AGBL1: variants seen among roughly 807,000 people sequenced by gnomAD.
AGBL1 encodes the protein cytosolic carboxypeptidase 4.
Under a neutral mutation model 118.9 loss-of-function variants are expected in AGBL1, and 130 were observed. The ratio of observed to expected loss-of-function variants is 1.09; its 90% CI spans 0.95 to 1.26. AGBL1 has a LOEUF of 1.26. Among genes scored for constraint, AGBL1 ranks in the 50% most tolerant of loss-of-function variants. The pLI, the probability that AGBL1 is intolerant of heterozygous loss-of-function variation, is 0.00. For missense variants in AGBL1, 1,584 were observed against 1,298.1 expected (o/e 1.22, Z -3.38); for synonymous variants, 555 against 478.9 (o/e 1.16, Z -2.08).
At chr15:86,928,399 C>T (rs112479036) in intron 23 of AGBL1, among the ~76,000 whole-genome samples, 289 of 152,224 alleles carry the variant, frequency 1.9e-3, no homozygotes, top group Middle Eastern at 6.8e-3. Flanking sequence ...TTTCAGGTCC[C>T]GTCTGAGTCC....
In AGBL1 at chr15:86,625,381, TTTTG is replaced by T. The variant is rs1194879733; in HGVS notation, c.2995-48888_2995-48885del. Among the ~76,000 whole-genome samples, 349 of 38,898 alleles carry T rather than the reference TTTTG, an allele frequency of 9.0e-3. 49 individuals are homozygous for T. The East Asian group carries it at 0.12, about 13-fold the overall frequency. The allele number at this position is 38,898 out of a possible 152,430, so 25.5% of individuals were successfully genotyped here. ...GAAATTAGCGTTTTTTTTTTTTTGTTTTTGTTTTTTTTTTTTTTTACAAACACAG... is the reference window on the plus strand; with the variant it reads ...GAAATTAGCGTTTTTTTTTTTTTGTTTTTTTTTTTTTTTTTACAAACACAG... On this transcript the variant is annotated intron_variant, in intron 21 of 22. Transcript: ENST00000614907.
rs569307388 is a variant in AGBL1, at chr15:86,241,142, A to G, written c.527-6529A>G. 5.3e-5 allele frequency among the ~76,000 whole-genome samples: 8 copies of G among 152,296 alleles called. No individual in the cohort carries two copies. In the South Asian group the frequency reaches 6.2e-4, roughly 12 times the overall value. ...ATGGGAGTGTTTCAGAGAGGCAGCA[A>G]TGTAGGACTGGTGGCCATTTTGGGG... On this transcript the variant is annotated intron_variant, in intron 6 of 22. Coordinates refer to ENST00000614907, the MANE Select transcript of AGBL1 (RefSeq NM_001386094.1).
rs373203928 is a variant in AGBL1 at position 86,748,201 on chromosome 15, A to G, written c.3158+73765A>G. Among the ~76,000 whole-genome samples the G allele has an allele frequency of 5.3e-5, 8 of 151,884 alleles. No individual in the cohort carries two copies. The South Asian group carries it at 6.2e-4, about 12-fold the overall frequency. On this transcript the variant is annotated intron_variant, in intron 22 of 22. Coordinates refer to ENST00000614907, the MANE Select transcript of AGBL1 (RefSeq NM_001386094.1). Reference sequence around the variant, plus strand: ...TGGTGGGAGATGGTATCTCATTGTGATTTTGATTTGCATTTCTCTGATGGC... The same window carrying G: ...TGGTGGGAGATGGTATCTCATTGTGGTTTTGATTTGCATTTCTCTGATGGC...
At chr15:86,569,289 A>T (rs2083965556) in intron 21 of AGBL1, among the ~76,000 whole-genome samples, 1 of 151,936 alleles carries the variant, frequency 6.6e-6, no homozygotes. Flanking sequence ...AAATCAGCCG[A>T]CCATGGTGGC....
intron 21 of AGBL1, among the ~76,000 whole-genome samples, chr15:86,593,296 A>ATTTT (rs35818219): frequency 1.4e-5 from 2 of 145,806 alleles, no homozygotes; most frequent in African/African-American, 2.5e-5. Context: ...GGAACCTTAG[A>ATTTT]TTTTTTTTTT....
At chr15:86,954,918 TATTAC>T (rs1360972696) in intron 23 of AGBL1, among the ~76,000 whole-genome samples, 2 of 152,220 alleles carry the variant, frequency 1.3e-5, no homozygotes, top group African/African-American at 4.8e-5. Context: ...TAACTTGTGT[TATTAC>T]ATTAGTGGTT....
rs181680556 is a variant in AGBL1 at position 86,348,766 on chromosome 15, C to T, written c.2375-48600C>T. On this transcript the variant is annotated intron_variant, in intron 17 of 22. Transcript: ENST00000614907. ...GCACTTCAGCCTGGGTGACAGAGCG[C>T]GACTGTCTCAAAAGAAAAAAAAAAA... 1.7e-4 allele frequency among the ~76,000 whole-genome samples: 22 copies of T among 131,712 alleles called. No homozygotes were observed. In the East Asian group the frequency reaches 2.9e-3, roughly 17 times the overall value. The allele number at this position is 131,712 out of a possible 152,430, so 86.4% of individuals were successfully genotyped here. A position where few individuals can be genotyped will look rare whatever the true frequency, so the allele number is the denominator to read the frequency against.
At chr15:86,464,305 G>T (rs138335281) in intron 18 of AGBL1, among the ~76,000 whole-genome samples, 15,795 of 152,172 alleles carry the variant, frequency 0.1, 922 homozygotes, top group South Asian at 0.17. Context: ...CTGAGACTTT[G>T]CTGAAGTTGC....
At chr15:86,267,123 G>T (rs757955930) in intron 13 of AGBL1, 47 bp downstream of exon 13, 4 of 1,398,990 alleles carry the variant, frequency 2.9e-6, no homozygotes, top group Non-Finnish European at 4.0e-6. Flanking sequence ...GTTCGTAAGA[G>T]CAAGCTGTGA....
chr15:86,273,268 A>G (rs1041197997), intron 15 of AGBL1, among the ~76,000 whole-genome samples: 6 of 152,198 alleles, frequency 3.9e-5, no homozygotes, highest in African/African-American at 1.4e-4. Flanking sequence ...AGGAGAACCA[A>G]TGCTGATAGC....
intron 22 of AGBL1, among the ~76,000 whole-genome samples, chr15:86,834,458 C>G (rs1301699921): frequency 1.3e-5 from 2 of 152,150 alleles, no homozygotes; most frequent in Non-Finnish European, 2.9e-5. Flanking sequence ...TAGCTGCCAC[C>G]AGCTAAAGAG....
At chr15:86,087,951 C>T (rs1895772560) in intron 1 of AGBL1, among the ~76,000 whole-genome samples, 1 of 152,232 alleles carries the variant, frequency 6.6e-6, no homozygotes, top group African/African-American at 2.4e-5. Context: ...AAGGACTGGC[C>T]AAAAGGGTGC....
chr15:86,603,878 G>T (rs976175059), intron 21 of AGBL1, among the ~76,000 whole-genome samples: 1 of 152,076 alleles, frequency 6.6e-6, no homozygotes, highest in African/African-American at 2.4e-5. Flanking sequence ...TATAGCCCCT[G>T]AGTAGCAAAT....
intron 24 of AGBL1, among the ~76,000 whole-genome samples, chr15:87,022,314 G>A (rs2081673668): frequency 6.6e-6 from 1 of 151,946 alleles, no homozygotes; most frequent in African/African-American, 2.4e-5. Flanking sequence ...AAACCAAGAA[G>A]AACTCCCTGA....
At chr15:86,773,923 G>A (rs917279442) in intron 22 of AGBL1, among the ~76,000 whole-genome samples, 1 of 152,102 alleles carries the variant, frequency 6.6e-6, no homozygotes, top group Non-Finnish European at 1.5e-5. Flanking sequence ...CAAGCCATGG[G>A]AAATGAATAG....
intron 1 of AGBL1, among the ~76,000 whole-genome samples, chr15:86,096,861 T>C (rs779935093): frequency 2.0e-5 from 3 of 152,304 alleles, no homozygotes; most frequent in African/African-American, 4.8e-5. Flanking sequence ...AGTCAAATGC[T>C]CTAAGATCCC....
chr15:86,614,382 A>C (rs1235226072), intron 21 of AGBL1, among the ~76,000 whole-genome samples: 2 of 152,096 alleles, frequency 1.3e-5, no homozygotes, highest in Admixed American at 1.3e-4. Context: ...ACCTTGTTCT[A>C]TTGTTTTCTT....
intron 5 of AGBL1, among the ~76,000 whole-genome samples, chr15:86,168,956 TTCTCAC>T (rs1316897827): frequency 6.6e-6 from 1 of 152,220 alleles, no homozygotes; most frequent in Admixed American, 6.5e-5. Context: ...GATATTAGTG[TTCTCAC>T]CTTAAAAAAC....
intron 15 of AGBL1, among the ~76,000 whole-genome samples, chr15:86,271,960 G>T (rs1291078235): frequency 6.6e-6 from 1 of 152,128 alleles, no homozygotes; most frequent in Non-Finnish European, 1.5e-5. Context: ...AAAACTTTTA[G>T]ATCTTGTTGT....
Sources: allele counts gnomAD v4.1 joint callset (sites outside exome capture counted in the v4.1 genomes callset), GRCh38; gene constraint gnomAD v4.1.1; transcripts MANE v1.5; gene names NCBI Gene and HGNC (gene_info 2026-07-23, HGNC 2026-07-21).